Variants in DNAJC13 observed in about 807,000 individuals in gnomAD.
DNAJC13 encodes DnaJ heat shock protein family (Hsp40) member C13.
In DNAJC13, 75 loss-of-function variants were observed where a neutral mutation model predicts 290.5. The observed-to-expected ratio is 0.26, with a 90% confidence interval of 0.21 to 0.31. The LOEUF is 0.31. DNAJC13 is among the 10% of genes least tolerant of loss of function. The probability of loss-of-function intolerance (pLI) is 1.00; values close to 1 mark genes in which losing one functional copy is unlikely to be tolerated. For synonymous variants in DNAJC13, 862 were observed against 892.0 expected, an observed-to-expected ratio of 0.97 and a Z score of 0.60; for missense variants, 2,260 against 2,674.5, an observed-to-expected ratio of 0.85 and a Z score of 3.42.
At chr3:132,434,044 A>G (rs1027622789) in intron 1 of DNAJC13, among the ~76,000 whole-genome samples, 1 of 152,164 alleles carries the variant, frequency 6.6e-6, no homozygotes, top group Non-Finnish European at 1.5e-5. Context: ...TCCCGTCTCT[A>G]CTAAAAATAC....
At chr3:132,531,525 C>T (rs761155996) in intron 55 of DNAJC13, among the ~76,000 whole-genome samples, 28 of 152,130 alleles carry the variant, frequency 1.8e-4, no homozygotes, top group Admixed American at 3.9e-4. Context: ...TGGCTGGGCG[C>T]GGTGGCTCAC....
At chr3:132,426,290 A>C (rs371747878) in intron 1 of DNAJC13, among the ~76,000 whole-genome samples, 1 of 152,160 alleles carries the variant, frequency 6.6e-6, no homozygotes, top group Non-Finnish European at 1.5e-5. Context: ...CAAAAATTGG[A>C]GATGCTTTCA....
intron 20 of DNAJC13, among the ~76,000 whole-genome samples, chr3:132,468,684 T>A (rs1934083823): frequency 6.6e-6 from 1 of 152,188 alleles, no homozygotes; most frequent in African/African-American, 2.4e-5. Flanking sequence ...TTATAGGGTT[T>A]TTTTGATATA....
chr3:132,508,032 A>G (rs1243350253), intron 43 of DNAJC13, among the ~76,000 whole-genome samples: 1 of 152,244 alleles, frequency 6.6e-6, no homozygotes, highest in Non-Finnish European at 1.5e-5. Flanking sequence ...TACATGAATG[A>G]CAAGAAATTG....
chr3:132,513,612 G>C (rs1415851774), intron 45 of DNAJC13, among the ~76,000 whole-genome samples: 1 of 152,170 alleles, frequency 6.6e-6, no homozygotes. Context: ...TGGGTATGCT[G>C]CTGTTATAGG....
In DNAJC13 at chr3:132,511,241, C is replaced by T. The variant is rs1227154322; in HGVS notation, c.5290C>T (p.Pro1764Ser). The T allele has an allele frequency of 1.2e-6, 2 of 1,613,622 alleles. No individual in the cohort carries two copies. The highest frequency in any genetic ancestry group is 1.7e-6 in the Non-Finnish European group (2 of 1,179,770). Reference sequence around the variant, plus strand: ...TCTGAGAAATGTCATAAAATACAATCCAGGTATGTGACTACACCTTTGATC... The same window carrying T: ...TCTGAGAAATGTCATAAAATACAATTCAGGTATGTGACTACACCTTTGATC... ...EALRNVIKYN[P>S]GSESECIGHF... The change falls in exon 44 of 56, where the codon CCA becomes TCA. Residue 1764 changes from proline to serine, a missense_variant. Pro to Ser is a moderately conservative substitution (Grantham distance 74, BLOSUM62 -1). Transcript: ENST00000260818.
At position 132,526,048 on chromosome 3, in the gene DNAJC13, C is replaced by G. The variant is rs899804555; in HGVS notation, c.6241-93C>G. 3 of 1,482,870 alleles carry G rather than the reference C, an allele frequency of 2.0e-6. No homozygotes were observed. In the African/African-American group the frequency reaches 4.3e-5, roughly 21 times the overall value. The allele number at this position is 1,482,870 out of a possible 1,614,324, so 91.9% of individuals were successfully genotyped here. On this transcript the variant is annotated intron_variant, in intron 52 of 55. Transcript: ENST00000260818. ...ATTGTTAAACTGAAAGTAAGGGATT[C>G]TTTTTTTACTTATTTACTTATTTTG...
At chr3:132,440,321 A>G (rs1396211050) in intron 2 of DNAJC13, among the ~76,000 whole-genome samples, 1 of 152,214 alleles carries the variant, frequency 6.6e-6, no homozygotes, top group Non-Finnish European at 1.5e-5. Flanking sequence ...CAGTTATTCT[A>G]CTGGAGTTTT....
intron 55 of DNAJC13, among the ~76,000 whole-genome samples, chr3:132,536,253 A>G (rs1055778949): frequency 2.6e-5 from 4 of 152,224 alleles, no homozygotes; most frequent in African/African-American, 9.6e-5. Flanking sequence ...AGGCAACTGT[A>G]GTCCACATGG....
intron 22 of DNAJC13, among the ~76,000 whole-genome samples, chr3:132,475,973 G>T (rs972643585): frequency 2.6e-5 from 4 of 151,330 alleles, no homozygotes; most frequent in African/African-American, 9.7e-5. Flanking sequence ...TTGCTTTATT[G>T]CATAGGCTAG....
chr3:132,461,112 T>G lies in DNAJC13; in HGVS notation c.1620T>G (p.Cys540Trp). Residue 540 changes from cysteine (C) to tryptophan (W), a missense_variant, in exon 15 of 56, where the codon TGT becomes TGG. Cys to Trp is a radical substitution (Grantham distance 215, BLOSUM62 -2). Around this residue, in one of 3 missense-constraint regions of DNAJC13, gnomAD observed 762 missense variants for 964.1 expected, o/e 0.79. Transcript: ENST00000260818. Reference sequence around the variant, plus strand: ...TGGACTTCCTTACCTTTGCCCTCTGTGCTCCATATAGTGAGACAACTGAAG... The same window carrying G: ...TGGACTTCCTTACCTTTGCCCTCTGGGCTCCATATAGTGAGACAACTGAAG... Reference protein sequence around the residue: ...SLLDFLTFALCAPYSETTEGQ... With the variant: ...SLLDFLTFALWAPYSETTEGQ... The G allele has an allele frequency of 1.2e-6, 2 of 1,614,082 alleles. No individual in the cohort carries two copies. The highest frequency in any genetic ancestry group is 1.7e-6 in the Non-Finnish European group (2 of 1,179,962).
chr3:132,507,538 T>C (rs528199723), intron 43 of DNAJC13, among the ~76,000 whole-genome samples, 185 bp downstream of exon 43: 1 of 152,258 alleles, frequency 6.6e-6, no homozygotes, highest in East Asian at 1.9e-4. Flanking sequence ...ATTGGCACCA[T>C]TTTTCCAATA....
intron 50 of DNAJC13, 103 bp downstream of exon 50, chr3:132,523,302 G>C: frequency 7.3e-7 from 1 of 1,378,516 alleles, no homozygotes; most frequent in South Asian, 1.3e-5. Flanking sequence ...TTGTCATCAA[G>C]ACTCTTGGGT....
intron 1 of DNAJC13, among the ~76,000 whole-genome samples, chr3:132,427,869 C>G (rs1046265168): frequency 6.6e-6 from 1 of 152,204 alleles, no homozygotes; most frequent in Non-Finnish European, 1.5e-5. Flanking sequence ...TATAGACGTA[C>G]TATAATTCAG....
intron 22 of DNAJC13, among the ~76,000 whole-genome samples, chr3:132,476,014 G>A (rs1366848712): frequency 3.3e-5 from 5 of 152,064 alleles, no homozygotes; most frequent in Non-Finnish European, 5.9e-5. Context: ...GCTCACTGCA[G>A]CCTCTGCCTC....
chr3:132,432,619 A>G (rs1455024977), intron 1 of DNAJC13, among the ~76,000 whole-genome samples: 1 of 152,222 alleles, frequency 6.6e-6, no homozygotes, highest in Non-Finnish European at 1.5e-5. Flanking sequence ...GTGATACAGT[A>G]TTTTCAAAAC....
rs1423588991 is a variant in DNAJC13 at position 132,507,327 on chromosome 3, A to G, written c.5089A>G (p.Asn1697Asp). 6.2e-7 allele frequency: 1 copy of G among 1,609,252 alleles called. No homozygotes were observed. The highest frequency in any genetic ancestry group is 8.5e-7 in the Non-Finnish European group (1 of 1,175,758). ...IVGEIFVRVY[N>D]EVPTFQLEVP... ...AGGGGAGATTTTTGTTAGGGTGTAT[A>G]ATGAAGTTCCTACTTTCCAACTGGA... Residue 1697 changes from asparagine to aspartate, a missense_variant, in exon 43 of 56, where the codon AAT (asparagine) becomes GAT (aspartate). By Grantham distance (23) the Asn-to-Asp change is conservative. Coordinates refer to ENST00000260818, the MANE Select transcript of DNAJC13 (RefSeq NM_015268.4).
intron 42 of DNAJC13, 89 bp from the exon 43 acceptor site, chr3:132,507,148 A>G: frequency 1.2e-6 from 1 of 845,988 alleles, no homozygotes; most frequent in Non-Finnish European, 1.9e-6. Flanking sequence ...GAATATGCAT[A>G]GATCTCTCAA....
chr3:132,490,485 A>G (rs1206137548), intron 31 of DNAJC13, among the ~76,000 whole-genome samples: 1 of 152,208 alleles, frequency 6.6e-6, no homozygotes, highest in Non-Finnish European at 1.5e-5. Context: ...GATCTTCTGA[A>G]CTTATTTTTG....
Sources: allele counts gnomAD v4.1 joint callset (sites outside exome capture counted in the v4.1 genomes callset), GRCh38; gene constraint gnomAD v4.1.1; regional missense constraint gnomAD v4.1.1; transcripts MANE v1.5; gene names NCBI Gene and HGNC (gene_info 2026-07-23, HGNC 2026-07-21).